Variants in GDA observed in about 807,000 individuals in gnomAD.
GDA encodes the protein cytoplasmic PSD-95 interactor.
In GDA, 18 loss-of-function variants were observed where a neutral mutation model predicts 59.6. That is an observed-to-expected ratio of 0.30 (90% CI 0.21 to 0.45). The LOEUF (loss-of-function observed/expected upper bound fraction) is 0.45, where lower values mean the gene tolerates loss of function less well. GDA is among the 20% of genes least tolerant of loss of function. GDA has a pLI of 1.00. For missense variants in GDA, 427 were observed against 552.3 expected (o/e 0.77, Z 2.27); for synonymous variants, 201 against 201.1 (o/e 1.00, Z 0.00).
chr9:72,125,947 C>T (rs1419390638), intron 1 of GDA, among the ~76,000 whole-genome samples: 3 of 152,100 alleles, frequency 2.0e-5, no homozygotes, highest in South Asian at 2.1e-4. Flanking sequence ...GACAGAGTCT[C>T]GCTCTGTTGC....
At chr9:72,174,681 C>T (rs11143145) in intron 1 of GDA, among the ~76,000 whole-genome samples, 27,687 of 151,610 alleles carry the variant, frequency 0.18, 2,866 homozygotes, top group African/African-American at 0.29. Context: ...AGGAGGTACA[C>T]AGCTTGATGG....
At chr9:72,201,862 T>C (rs1442851614) in intron 2 of GDA, among the ~76,000 whole-genome samples, 1 of 152,176 alleles carries the variant, frequency 6.6e-6, no homozygotes, top group Non-Finnish European at 1.5e-5. Flanking sequence ...GAATATTAAT[T>C]GGTGGATCAT....
chr9:72,227,148 C>T (rs1052470592), intron 8 of GDA, among the ~76,000 whole-genome samples: 2 of 151,982 alleles, frequency 1.3e-5, no homozygotes, highest in African/African-American at 2.4e-5. Flanking sequence ...GTCACTGAAC[C>T]GTGCCTCTCA....
intron 1 of GDA, among the ~76,000 whole-genome samples, chr9:72,120,089 T>C (rs10869122): frequency 0.45 from 68,841 of 151,994 alleles, 17,854 homozygotes; most frequent in Non-Finnish European, 0.58. Flanking sequence ...TCCTTGCCAG[T>C]GCTATTTAAA....
intron 7 of GDA, among the ~76,000 whole-genome samples, chr9:72,224,739 C>A (rs1192849618): frequency 6.6e-6 from 1 of 150,548 alleles, no homozygotes; most frequent in African/African-American, 2.4e-5. Flanking sequence ...TATTGGGTTT[C>A]TGTGAATTTT....
intron 1 of GDA, among the ~76,000 whole-genome samples, chr9:72,119,449 T>C (rs1021268748): frequency 6.6e-6 from 1 of 152,156 alleles, no homozygotes; most frequent in Non-Finnish European, 1.5e-5. Context: ...CAGTGAGCTG[T>C]GATCGGGCCA....
intron 1 of GDA, among the ~76,000 whole-genome samples, chr9:72,194,327 C>T (rs76742737): frequency 0.011 from 1,645 of 152,160 alleles, 36 homozygotes; most frequent in African/African-American, 0.038. Flanking sequence ...TAGCAGGTGA[C>T]GAATCCTACC....
chr9:72,204,353 C>T (rs1002223147), intron 3 of GDA, among the ~76,000 whole-genome samples: 4 of 151,322 alleles, frequency 2.6e-5, no homozygotes, highest in African/African-American at 7.3e-5. Context: ...CTGAAAATTG[C>T]GTAGTATACA....
intron 1 of GDA, among the ~76,000 whole-genome samples, chr9:72,121,071 TA>T: frequency 6.6e-6 from 1 of 152,286 alleles, no homozygotes; most frequent in Admixed American, 6.5e-5. Context: ...AGCATATAAA[TA>T]GCATTAATAA....
chr9:72,161,788 C>T (rs1216087504), intron 1 of GDA, among the ~76,000 whole-genome samples: 4 of 152,184 alleles, frequency 2.6e-5, no homozygotes, highest in Non-Finnish European at 4.4e-5. Flanking sequence ...ATCGCCTATC[C>T]ATCATAGTAC....
chr9:72,191,905 C>A (rs1005521294), intron 1 of GDA, among the ~76,000 whole-genome samples: 8 of 151,990 alleles, frequency 5.3e-5, no homozygotes, highest in Non-Finnish European at 1.0e-4. Context: ...TTTCCTCTTG[C>A]TGCTTTTAGG....
chr9:72,254,085 A>G (rs1164291274), downstream of GDA, among the ~76,000 whole-genome samples: 3 of 152,190 alleles, frequency 2.0e-5, no homozygotes, highest in East Asian at 3.8e-4. Context: ...ACGCTCACCA[A>G]TGGCAGCAGG....
chr9:72,193,117 G>C (rs1330354962), intron 1 of GDA, among the ~76,000 whole-genome samples: 1 of 151,764 alleles, frequency 6.6e-6, no homozygotes, highest in East Asian at 1.9e-4. Context: ...CTCTCTCCTG[G>C]ATTAATCCCT....
At chr9:72,179,858 C>T (rs1175365793) in intron 1 of GDA, among the ~76,000 whole-genome samples, 1 of 152,138 alleles carries the variant, frequency 6.6e-6, no homozygotes, top group East Asian at 1.9e-4. Context: ...ATATGTGTTC[C>T]TGTGTCCAAA....
At chr9:72,129,205 C>T (rs1825945780) in intron 1 of GDA, among the ~76,000 whole-genome samples, 1 of 152,138 alleles carries the variant, frequency 6.6e-6, no homozygotes, top group Non-Finnish European at 1.5e-5. Flanking sequence ...TCAGGTTATC[C>T]ACCTGCCTTG....
At chr9:72,186,486 C>T (rs903406115) in intron 1 of GDA, among the ~76,000 whole-genome samples, 1 of 152,146 alleles carries the variant, frequency 6.6e-6, no homozygotes, top group Admixed American at 6.6e-5. Context: ...CCATCACACT[C>T]CACATTTTAG....
chr9:72,241,858 C>T (rs1449800756), intron 11 of GDA, among the ~76,000 whole-genome samples: 2 of 152,156 alleles, frequency 1.3e-5, no homozygotes, highest in South Asian at 2.1e-4. Flanking sequence ...TGTGCCACTA[C>T]ACTTCAGCGT....
intron 9 of GDA, among the ~76,000 whole-genome samples, chr9:72,230,505 T>A (rs199832498): frequency 0.024 from 3,359 of 140,976 alleles, 45 homozygotes; most frequent in South Asian, 0.067. Context: ...AAAAAAAATA[T>A]ATATATATAT....
intron 1 of GDA, among the ~76,000 whole-genome samples, chr9:72,183,624 C>T (rs1483290559): frequency 1.3e-5 from 2 of 152,196 alleles, no homozygotes; most frequent in Non-Finnish European, 2.9e-5. Context: ...TATTACCTGC[C>T]AGATGCGTAA....
Sources: allele counts gnomAD v4.1 joint callset (sites outside exome capture counted in the v4.1 genomes callset), GRCh38; gene constraint gnomAD v4.1.1; transcripts MANE v1.5; gene names NCBI Gene and HGNC (gene_info 2026-07-23, HGNC 2026-07-21).